XIRP2: variants seen among roughly 807,000 people sequenced by gnomAD.
XIRP2 encodes xin actin binding repeat containing 2, also known as xin actin-binding repeat-containing protein 2.
In XIRP2, 236 loss-of-function variants were observed where a neutral mutation model predicts 277.0. The observed-to-expected ratio is 0.85, with a 90% CI of 0.77 to 0.95. The LOEUF (loss-of-function observed/expected upper bound fraction) is 0.95, where lower values mean the gene tolerates loss of function less well. Ranked by LOEUF, XIRP2 falls within the 40% of genes least tolerant of loss-of-function variation. The pLI, the probability that XIRP2 is intolerant of heterozygous loss-of-function variation, is 0.00. For missense variants in XIRP2, 4,640 were observed against 4,157.5 expected, an observed-to-expected ratio of 1.12 and a Z score of -3.19; for synonymous variants, 1,490 against 1,416.5, an observed-to-expected ratio of 1.05 and a Z score of -1.17.
At chr2:167,154,422 A>G (rs1439912628) in intron 3 of XIRP2, among the ~76,000 whole-genome samples, 2 of 150,606 alleles carry the variant, frequency 1.3e-5, no homozygotes, top group East Asian at 1.9e-4. Context: ...ATTAGATCCC[A>G]TTTGTCAATT....
intron 2 of XIRP2, among the ~76,000 whole-genome samples, chr2:166,922,232 G>C (rs1685062437): frequency 6.6e-6 from 1 of 151,284 alleles, no homozygotes; most frequent in South Asian, 2.1e-4. Flanking sequence ...CTGGGTAGAA[G>C]CTACCTCACG....
At chr2:167,254,430 C>T (rs1031871553) in intron 10 of XIRP2, among the ~76,000 whole-genome samples, 1 of 151,914 alleles carries the variant, frequency 6.6e-6, no homozygotes. Flanking sequence ...AGTTACTCTG[C>T]AAATCAAGAT....
At chr2:167,186,592 A>G (rs75140577) in intron 3 of XIRP2, among the ~76,000 whole-genome samples, 2,161 of 152,248 alleles carry the variant, frequency 0.014, 31 homozygotes, top group East Asian at 0.047. Context: ...GGCAATGCTC[A>G]TTGGGTTCTG....
In XIRP2 at chr2:167,166,200, T is replaced by G. The variant is rs185237614; in HGVS notation, c.562+30138T>G. On this transcript the variant is annotated intron_variant, in intron 3 of 10. Coordinates refer to ENST00000409195, the MANE Select transcript of XIRP2 (RefSeq NM_152381.6). ...AAATATTTTAAATATCTTGAGGTTT[T>G]TTTTCTTTGATGCATGTCACACTTT... Among the ~76,000 whole-genome samples, 5 of 152,346 alleles carry G rather than the reference T, an allele frequency of 3.3e-5. No homozygotes were observed. The East Asian group carries it at 9.6e-4, about 29-fold the overall frequency.
At chr2:166,929,035 C>T (rs890484343) in intron 2 of XIRP2, among the ~76,000 whole-genome samples, 1 of 152,086 alleles carries the variant, frequency 6.6e-6, no homozygotes, top group Non-Finnish European at 1.5e-5. Context: ...TAAATACTTT[C>T]TATCGCTGAT....
chr2:166,925,319 G>A (rs921653482), intron 2 of XIRP2, among the ~76,000 whole-genome samples: 2 of 151,728 alleles, frequency 1.3e-5, no homozygotes, highest in Non-Finnish European at 2.9e-5. Context: ...TCAAGCCCCT[G>A]TAATTACTGA....
chr2:166,979,358 TC>T (rs1686799443), intron 2 of XIRP2, among the ~76,000 whole-genome samples: 1 of 128,346 alleles, frequency 7.8e-6, no homozygotes. Flanking sequence ...TCTTTTCTTT[TC>T]TTTTCTTTTC....
chr2:167,067,712 C>T (rs1320723921), intron 2 of XIRP2, among the ~76,000 whole-genome samples: 1 of 152,158 alleles, frequency 6.6e-6, no homozygotes, highest in Non-Finnish European at 1.5e-5. Flanking sequence ...TAGCTCGATG[C>T]AGGGTTGCCT....
intron 1 of XIRP2, among the ~76,000 whole-genome samples, chr2:166,897,062 T>G (rs957346482): frequency 6.6e-6 from 1 of 152,178 alleles, no homozygotes; most frequent in Non-Finnish European, 1.5e-5. Context: ...CTCTGTGATC[T>G]TCTCACAATG....
At chr2:167,000,007 C>A (rs555162890) in intron 2 of XIRP2, among the ~76,000 whole-genome samples, 3 of 152,210 alleles carry the variant, frequency 2.0e-5, no homozygotes, top group African/African-American at 7.2e-5. Context: ...ATAAAGTAGG[C>A]AACTATGTTG....
At chr2:167,068,806 A>G (rs1689369311) in intron 2 of XIRP2, among the ~76,000 whole-genome samples, 1 of 152,178 alleles carries the variant, frequency 6.6e-6, no homozygotes, top group South Asian at 2.1e-4. Flanking sequence ...AGCACAAATC[A>G]TAAACTTTCT....
chr2:167,250,775 C>A lies in XIRP2; in HGVS notation c.9383C>A (p.Ser3128Tyr). Residue 3128 changes from serine (S) to tyrosine (Y), a missense_variant, in exon 9 of 11, where the codon TCT (serine) becomes TAT (tyrosine). Transcript: ENST00000409195. ...TCACCAACTTTTATCACAATAGAAT[C>A]TACTGCCCGACGAACAGAAAACCCT... is the stretch of plus-strand genomic sequence containing the variant. ...PPSPTFITIE[S>Y]TARRTENPTK... The A allele has an allele frequency of 6.2e-7, 1 of 1,613,542 alleles. No homozygotes were observed. Among genetic ancestry groups the A allele is most frequent in the East Asian group, 2.2e-5 (1 of 44,792 alleles).
At chr2:167,097,522 A>C (rs1204023331) in intron 2 of XIRP2, among the ~76,000 whole-genome samples, 5 of 152,130 alleles carry the variant, frequency 3.3e-5, no homozygotes, top group Non-Finnish European at 4.4e-5. Flanking sequence ...GCTAGTCTGC[A>C]TCTTTTAACT....
chr2:167,151,914 A>C (rs993838517), intron 3 of XIRP2, among the ~76,000 whole-genome samples: 1 of 152,104 alleles, frequency 6.6e-6, no homozygotes, highest in African/African-American at 2.4e-5. Flanking sequence ...TTAGCTCTTG[A>C]GCCTGGCAAG....
intron 2 of XIRP2, among the ~76,000 whole-genome samples, chr2:166,985,660 G>A (rs1422333599): frequency 6.6e-6 from 1 of 152,032 alleles, no homozygotes; most frequent in Admixed American, 6.5e-5. Flanking sequence ...TTGATCTCCA[G>A]ACTTGTGATC....
intron 2 of XIRP2, among the ~76,000 whole-genome samples, chr2:167,047,039 T>C (rs1036582743): frequency 6.6e-6 from 1 of 151,852 alleles, no homozygotes; most frequent in Non-Finnish European, 1.5e-5. Context: ...CGTCTAAGAT[T>C]ACAAACAAAA....
At chr2:167,059,808 C>T (rs1031362907) in intron 2 of XIRP2, among the ~76,000 whole-genome samples, 1 of 152,176 alleles carries the variant, frequency 6.6e-6, no homozygotes, top group Admixed American at 6.5e-5. Flanking sequence ...CTGGTCTTGG[C>T]GGTGTGCCTT....
chr2:167,064,461 C>A (rs1558966433), intron 2 of XIRP2, among the ~76,000 whole-genome samples: 1 of 151,852 alleles, frequency 6.6e-6, no homozygotes, highest in Non-Finnish European at 1.5e-5. Context: ...ATCTCAAATA[C>A]ATGCTTTAAA....
chr2:167,214,093 AGAAGGAAGGAAG>A lies in XIRP2; in HGVS notation c.723+3231_723+3242del, dbSNP rs776926324. ...TAGAAAGGAAGGAAGGAAGAAAGAA[AGAAGGAAGGAAG>A]GAAGGAAGGAAGGAAGGAAGGAAGG... On this transcript the variant is annotated intron_variant, in intron 4 of 10. Transcript: ENST00000409195. Among the ~76,000 whole-genome samples, 25 of 64,372 alleles carry A rather than the reference AGAAGGAAGGAAG, an allele frequency of 3.9e-4. No individual in the cohort carries two copies. The East Asian group carries it at 4.2e-3, about 11-fold the overall frequency. 42.2% of individuals were successfully genotyped at this position (64,372 alleles called of 152,430 possible). A position where few individuals can be genotyped will look rare whatever the true frequency, so the allele number is the denominator to read the frequency against.
Sources: gnomAD v4.1 joint callset for allele counts (sites outside exome capture counted in the v4.1 genomes callset) on GRCh38, gnomAD v4.1.1 for gene constraint, MANE v1.5 for transcripts, NCBI Gene and HGNC (gene_info 2026-07-23, HGNC 2026-07-21) for gene names.